The following GREM2 variants were observed in gnomAD, a reference collection of about 807,000 sequenced individuals.
The protein encoded by GREM2 is gremlin-2.
In GREM2, 11 loss-of-function variants were observed where a neutral mutation model predicts 14.2. The ratio of observed to expected loss-of-function variants is 0.78; its 90% CI spans 0.49 to 1.28. GREM2 has a LOEUF of 1.28. Among genes scored for constraint, GREM2 ranks in the 50% most tolerant of loss-of-function variants. The pLI is 0.00. For synonymous variants in GREM2, 98 were observed against 97.6 expected, an observed-to-expected ratio of 1.00 and a Z score of -0.02; for missense variants, 210 against 218.5, an observed-to-expected ratio of 0.96 and a Z score of 0.24.
chr1:240,593,466 T>C (rs1310577250), intron 1 of GREM2, among the ~76,000 whole-genome samples: 1 of 152,214 alleles, frequency 6.6e-6, no homozygotes, highest in East Asian at 1.9e-4. Flanking sequence ...AACTTACCTC[T>C]CTGAGTCTCA....
intron 1 of GREM2, among the ~76,000 whole-genome samples, chr1:240,548,207 G>A (rs774122057): frequency 2.6e-5 from 4 of 152,030 alleles, no homozygotes; most frequent in Admixed American, 6.6e-5. Context: ...CTCAGGAAGC[G>A]GAGATTGCAG....
chr1:240,577,465 G>T (rs1679394608), intron 1 of GREM2, among the ~76,000 whole-genome samples: 1 of 152,066 alleles, frequency 6.6e-6, no homozygotes, highest in Non-Finnish European at 1.5e-5. Flanking sequence ...GCTTTTCTTT[G>T]TTCAGTTTGG....
intron 1 of GREM2, among the ~76,000 whole-genome samples, chr1:240,508,855 G>A (rs761994867): frequency 1.3e-5 from 2 of 152,174 alleles, no homozygotes; most frequent in African/African-American, 4.8e-5. Flanking sequence ...GCTGGAACCT[G>A]AGAATTGATA....
Position 240,581,076 on chromosome 1 carries a change from C to T in GREM2, c.-2+30808G>A, listed in dbSNP as rs548007486. Among the ~76,000 whole-genome samples, 163 of 152,030 alleles carry T rather than the reference C, an allele frequency of 1.1e-3. 1 individual carries two copies. The highest frequency in any genetic ancestry group is 3.6e-3 in the African/African-American group (148 of 41,472). On this transcript the variant is annotated intron_variant, in intron 1 of 1. Transcript: ENST00000318160. ...ACCAGCCTGGACAACGTGGTGAAAC[C>T]GTGTCTCTACTAAAAATACAAAAAT...
chr1:240,604,411 G>A (rs1459526533), intron 1 of GREM2, among the ~76,000 whole-genome samples: 1 of 151,940 alleles, frequency 6.6e-6, no homozygotes, highest in Non-Finnish European at 1.5e-5. Context: ...AAGCAGGTAT[G>A]ATCACTTCCA....
At chr1:240,560,436 G>A (rs1229342119) in intron 1 of GREM2, among the ~76,000 whole-genome samples, 1 of 152,146 alleles carries the variant, frequency 6.6e-6, no homozygotes, top group Non-Finnish European at 1.5e-5. Flanking sequence ...TAAGCTCCTT[G>A]AGAGAGTGGA....
chr1:240,538,231 C>G (rs903074672), intron 1 of GREM2, among the ~76,000 whole-genome samples: 7 of 152,208 alleles, frequency 4.6e-5, no homozygotes, highest in African/African-American at 1.7e-4. Context: ...AATGCTATGA[C>G]TGGTGGCTTT....
At chr1:240,578,338 C>A (rs545092256) in intron 1 of GREM2, among the ~76,000 whole-genome samples, 3 of 152,096 alleles carry the variant, frequency 2.0e-5, no homozygotes, top group East Asian at 3.9e-4. Context: ...GTTGGCCAGG[C>A]TGGTCTTGAA....
At chr1:240,500,384 C>T (rs148329752) in intron 1 of GREM2, among the ~76,000 whole-genome samples, 1,911 of 151,992 alleles carry the variant, frequency 0.013, 46 homozygotes, top group African/African-American at 0.044. Flanking sequence ...CTGCAAGCTC[C>T]GCCTCCCAGG....
chr1:240,510,223 A>C (rs1424302714), intron 1 of GREM2, among the ~76,000 whole-genome samples: 1 of 151,532 alleles, frequency 6.6e-6, no homozygotes, highest in Admixed American at 6.6e-5. Flanking sequence ...CAAAGAAATG[A>C]GCCGGGCGTG....
intron 1 of GREM2, among the ~76,000 whole-genome samples, chr1:240,521,956 A>AC (rs1297968382): frequency 3.3e-5 from 5 of 151,672 alleles, no homozygotes; most frequent in East Asian, 2.0e-4. Context: ...TACCAAAAAA[A>AC]AAATTTTTTT....
rs60366895 is a variant in GREM2 at position 240,543,254 on chromosome 1, T to C, written c.-1-49778A>G. ...ACTGTAAAATGTGTTAGGTAATCTA[T>C]TAGTCTGTCGTCATGCTGCTAATAA... On this transcript the variant is annotated intron_variant, in intron 1 of 1. Coordinates refer to ENST00000318160, the MANE Select transcript of GREM2 (RefSeq NM_022469.4). This position sits in a 1 kb window ranked among gnomAD's most constrained non-coding sequence, Gnocchi z 6.4. 0.047 allele frequency among the ~76,000 whole-genome samples: 7,102 copies of C among 152,300 alleles called. 542 individuals are homozygous for C. The highest frequency in any genetic ancestry group is 0.16 in the African/African-American group (6,694 of 41,540).
chr1:240,493,391 C>T lies in GREM2; in HGVS notation c.85G>A (p.Ala29Thr), dbSNP rs1044647734. 6.8e-6 allele frequency: 11 copies of T among 1,613,006 alleles called. No homozygotes were observed. Among genetic ancestry groups the T allele is most frequent in the Non-Finnish European group, 9.3e-6 (11 of 1,179,830 alleles). The change falls in exon 2 of 2, where the codon GCC (alanine) becomes ACC (threonine). Residue 29 changes from alanine (A) to threonine (T), a missense_variant. Ala to Thr is a moderately conservative substitution (Grantham distance 58). Transcript: ENST00000318160. ...AEARKNRPAG[A>T]IPSPYKDGSS... is the part of the protein sequence containing the mutation. ...CCGTCCTTGTAAGGCGAGGGGATGG[C>T]GCCCGCCGGCCGGTTCTTCCGGGCT...
intron 1 of GREM2, among the ~76,000 whole-genome samples, chr1:240,500,926 C>T (rs989515433): frequency 2.0e-5 from 3 of 152,040 alleles, no homozygotes; most frequent in Admixed American, 2.0e-4. Flanking sequence ...CTAAGTTGTG[C>T]CGAGTTGCTT....
In GREM2 at chr1:240,593,744, G is replaced by A. The variant is rs184916178; in HGVS notation, c.-2+18140C>T. Among the ~76,000 whole-genome samples, 16 of 152,154 alleles carry A rather than the reference G, an allele frequency of 1.1e-4. No homozygotes were observed. In the East Asian group the frequency reaches 2.9e-3, roughly 28 times the overall value. ...TCCTAGTGTTTGTAAATGAATAGGC[G>A]TGATTGTTCTCAGTGTCTATTAAAT... On this transcript the variant is annotated intron_variant, in intron 1 of 1. Transcript: ENST00000318160.
In GREM2 at chr1:240,543,494, A is replaced by AG. The variant is rs1434947915; in HGVS notation, c.-1-50019dup. 6.6e-6 allele frequency among the ~76,000 whole-genome samples: 1 copy of AG among 152,138 alleles called. No individual in the cohort carries two copies. The highest frequency in any genetic ancestry group is 2.1e-4 in the South Asian group (1 of 4,832). Reference sequence around the variant, plus strand: ...ACTTATTCACTACCATGATAACAGTAGGGGGGAAACCGCCCTTGTGATTCA... The same window carrying AG: ...ACTTATTCACTACCATGATAACAGTAGGGGGGGAAACCGCCCTTGTGATTCA... On this transcript the variant is annotated intron_variant, in intron 1 of 1. Transcript: ENST00000318160. This position sits in a 1 kb window ranked among gnomAD's most constrained non-coding sequence, Gnocchi z 6.4.
intron 1 of GREM2, among the ~76,000 whole-genome samples, chr1:240,525,074 A>G (rs1298362950): frequency 2.0e-5 from 3 of 152,108 alleles, no homozygotes; most frequent in Admixed American, 6.5e-5. Flanking sequence ...TAAAGCACCT[A>G]GTGGGTGCAG....
chr1:240,561,920 T>C (rs114122126), intron 1 of GREM2, among the ~76,000 whole-genome samples: 3,133 of 152,254 alleles, frequency 0.021, 35 homozygotes, highest in Non-Finnish European at 0.031. Context: ...GGGTTCAGCG[T>C]TGGGAACTAC....
intron 1 of GREM2, among the ~76,000 whole-genome samples, chr1:240,519,818 C>T (rs548896035): frequency 3.9e-5 from 6 of 152,258 alleles, no homozygotes; most frequent in South Asian, 4.1e-4. Context: ...CGGTGGCTCA[C>T]GCCTGTAATC....
Sources: allele counts gnomAD v4.1 joint callset (sites outside exome capture counted in the v4.1 genomes callset), GRCh38; gene constraint gnomAD v4.1.1; non-coding constraint Gnocchi (gnomAD v3.1); transcripts MANE v1.5; gene names NCBI Gene and HGNC (gene_info 2026-07-23, HGNC 2026-07-21).